The following FRMPD4 variants were observed in gnomAD, a reference collection of about 807,000 sequenced individuals.
FRMPD4 encodes the protein FERM and PDZ domain containing 4.
Under a neutral mutation model 94.1 loss-of-function variants are expected in FRMPD4, and 22 were observed. The observed-to-expected ratio is 0.23, with a 90% CI of 0.17 to 0.33. The LOEUF (loss-of-function observed/expected upper bound fraction) is 0.33, where lower values mean the gene tolerates loss of function less well. Among genes scored for constraint, FRMPD4 ranks in the 10% least tolerant of loss-of-function variants. The probability of loss-of-function intolerance (pLI) is 1.00; values close to 1 mark genes in which losing one functional copy is unlikely to be tolerated. For missense variants in FRMPD4, 1,111 were observed against 1,339.9 expected, an observed-to-expected ratio of 0.83 and a Z score of 2.67; for synonymous variants, 631 against 548.6, an observed-to-expected ratio of 1.15 and a Z score of -2.10.
At chrX:12,487,952 AGGTT>A (rs1342334457) in intron 1 of FRMPD4, among the ~76,000 whole-genome samples, 1 of 112,320 alleles carries the variant, frequency 8.9e-6, no homozygotes, top group Non-Finnish European at 1.9e-5. Context: ...AAAGTACACT[AGGTT>A]TATGTGTTTT....
intron 3 of FRMPD4, among the ~76,000 whole-genome samples, chrX:11,996,774 G>A (rs2054498310): frequency 9.0e-6 from 1 of 111,700 alleles, no homozygotes; most frequent in Non-Finnish European, 1.9e-5. Context: ...GGGAAGGGAG[G>A]CAAGAGAATA....
At chrX:12,677,637 T>C (rs180731273) in intron 5 of FRMPD4, among the ~76,000 whole-genome samples, 7 of 112,219 alleles carry the variant, frequency 6.2e-5, no homozygotes, top group Admixed American at 5.7e-4. Flanking sequence ...TTTTAATTTC[T>C]TTTGCAACTT....
At chrX:12,568,470 A>T (rs1337616168) in intron 2 of FRMPD4, among the ~76,000 whole-genome samples, 1 of 112,474 alleles carries the variant, frequency 8.9e-6, no homozygotes, top group Non-Finnish European at 1.9e-5. Context: ...AATCTCGAAG[A>T]GCTTTCCATA....
chrX:12,525,956 T>C (rs949268512), intron 2 of FRMPD4, among the ~76,000 whole-genome samples: 1 of 112,812 alleles, frequency 8.9e-6, no homozygotes. Flanking sequence ...TTTCAAGTCT[T>C]TTGCCTACTT....
chrX:11,930,107 C>CAAAAAA (rs55973946), intron 3 of FRMPD4, among the ~76,000 whole-genome samples: 157 of 13,259 alleles, frequency 0.012, 17 homozygotes, highest in African/African-American at 0.04. Flanking sequence ...GACTCTGTCT[C>CAAAAAA]AAAAAAAAAA....
chrX:12,420,122 C>T (rs2056863217), intron 1 of FRMPD4, among the ~76,000 whole-genome samples: 1 of 111,338 alleles, frequency 9.0e-6, no homozygotes, highest in Non-Finnish European at 1.9e-5. Flanking sequence ...ACGCCTGCTC[C>T]TTCATCTCTA....
At chrX:12,328,936 T>C (rs142743820) in intron 1 of FRMPD4, among the ~76,000 whole-genome samples, 75 of 112,078 alleles carry the variant, frequency 6.7e-4, no homozygotes, top group Middle Eastern at 4.6e-3. Context: ...TCTGAAGGTT[T>C]GCTGAAAAAT....
chrX:12,090,919 A>G (rs1432422129), intron 3 of FRMPD4, among the ~76,000 whole-genome samples: 1 of 112,495 alleles, frequency 8.9e-6, no homozygotes, highest in Non-Finnish European at 1.9e-5. Context: ...TTTATTAAGC[A>G]TGAAAGAGTT....
At chrX:12,228,641 GTGGTTACAATTC>G (rs2056949892) in intron 1 of FRMPD4, among the ~76,000 whole-genome samples, 1 of 112,350 alleles carries the variant, frequency 8.9e-6, no homozygotes, top group African/African-American at 3.2e-5. Context: ...GTCATATTGA[GTGGTTACAATTC>G]TGGTGAAAGG....
intron 2 of FRMPD4, among the ~76,000 whole-genome samples, chrX:12,527,263 T>C (rs761104696): frequency 9.0e-6 from 1 of 111,664 alleles, no homozygotes; most frequent in Non-Finnish European, 1.9e-5. Context: ...GAGAATACAA[T>C]GTTAGTGGCA....
chrX:12,701,775 A>G lies in FRMPD4; in HGVS notation c.934-99A>G, dbSNP rs11798658. Reference sequence around the variant, plus strand: ...TTTAGCCTCCTTGCCTGGGAAGTGAAGGTTGAATCACTCGGGAAATGTATG... The same window carrying G: ...TTTAGCCTCCTTGCCTGGGAAGTGAGGGTTGAATCACTCGGGAAATGTATG... On this transcript the variant is annotated intron_variant, in intron 9 of 16. Transcript: ENST00000675598. 7,823 of 897,065 alleles carry G rather than the reference A, an allele frequency of 8.7e-3. 36 individuals are homozygous for G. Among genetic ancestry groups the G allele is most frequent in the Non-Finnish European group, 0.011 (7,157 of 632,202 alleles). The allele number at this position is 897,065 out of a possible 1,213,427, so 73.9% of individuals were successfully genotyped here. A position where few individuals can be genotyped will look rare whatever the true frequency, so the allele number is the denominator to read the frequency against.
chrX:11,979,565 A>C (rs772163952), intron 3 of FRMPD4, among the ~76,000 whole-genome samples: 1 of 112,039 alleles, frequency 8.9e-6, no homozygotes, highest in South Asian at 3.7e-4. Context: ...ATTGTTGCCA[A>C]TTTAGTGGCA....
chrX:12,483,904 A>G (rs1400879981), intron 1 of FRMPD4, among the ~76,000 whole-genome samples: 1 of 111,942 alleles, frequency 8.9e-6, no homozygotes, highest in Non-Finnish European at 1.9e-5. Flanking sequence ...ACAATGCTAT[A>G]TCCCTAAGTA....
chrX:11,984,541 A>T (rs2054416622), intron 3 of FRMPD4, among the ~76,000 whole-genome samples: 1 of 112,512 alleles, frequency 8.9e-6, no homozygotes, highest in African/African-American at 3.2e-5. Flanking sequence ...CTGCCCACAG[A>T]GTGGAAAGTT....
chrX:12,430,223 T>TTTGG (rs1029855052), intron 1 of FRMPD4, among the ~76,000 whole-genome samples: 3 of 112,182 alleles, frequency 2.7e-5, no homozygotes, highest in African/African-American at 9.7e-5. Flanking sequence ...TCCTAATTAA[T>TTTGG]TTGGTAGTCT....
intron 1 of FRMPD4, among the ~76,000 whole-genome samples, chrX:12,236,256 ATACAGTG>A (rs1288169087): frequency 8.9e-6 from 1 of 111,934 alleles, no homozygotes; most frequent in Non-Finnish European, 1.9e-5. Flanking sequence ...TTATCAAACC[ATACAGTG>A]TTATCTGAGA....
chrX:12,378,407 C>A (rs189485042), intron 1 of FRMPD4, among the ~76,000 whole-genome samples: 58 of 112,557 alleles, frequency 5.2e-4, no homozygotes, highest in African/African-American at 1.8e-3. Context: ...GCTCTCTAGT[C>A]ATGTGCTGTG....
At chrX:12,150,913 T>C (rs11798177) in intron 1 of FRMPD4, among the ~76,000 whole-genome samples, 14,428 of 111,053 alleles carry the variant, frequency 0.13, 718 homozygotes, top group South Asian at 0.32. Context: ...TCAGGTATTT[T>C]GCATACAGTA....
At chrX:11,832,592 C>A (rs1478076487) in intron 1 of FRMPD4, among the ~76,000 whole-genome samples, 1 of 111,834 alleles carries the variant, frequency 8.9e-6, no homozygotes, top group Non-Finnish European at 1.9e-5. Context: ...TTGAAGAGGT[C>A]ATTTGATTCA....
Sources: gnomAD v4.1 joint callset for allele counts (sites outside exome capture counted in the v4.1 genomes callset) on GRCh38, gnomAD v4.1.1 for gene constraint, MANE v1.5 for transcripts, NCBI Gene and HGNC (gene_info 2026-07-23, HGNC 2026-07-21) for gene names.